Variants in HERC1 observed in about 807,000 individuals in gnomAD.
HERC1 encodes the protein HECT and RLD domain containing E3 ubiquitin protein ligase family member 1, also known as probable E3 ubiquitin-protein ligase HERC1.
A neutral mutation model predicts 554.3 loss-of-function variants in HERC1; 160 were observed. That is an observed-to-expected ratio of 0.29 (90% CI 0.25 to 0.33). The LOEUF is 0.33. Among genes scored for constraint, HERC1 ranks in the 10% least tolerant of loss-of-function variants. The pLI is 1.00. For missense variants in HERC1, 4,919 were observed against 5,918.5 expected (o/e 0.83, Z 5.54); for synonymous variants, 2,175 against 2,131.7 (o/e 1.02, Z -0.56).
upstream of HERC1, chr15:63,833,948 CG>C (rs984132279): frequency 6.5e-6 from 1 of 153,140 alleles, no homozygotes; most frequent in Admixed American, 6.5e-5. Context: ...AAGGGAAAGA[CG>C]TAAGAGGCGG....
intron 10 of HERC1, among the ~76,000 whole-genome samples, chr15:63,748,949 C>G (rs1218516952): frequency 9.2e-6 from 1 of 108,860 alleles, no homozygotes; most frequent in Non-Finnish European, 1.9e-5. Context: ...TAAAGTATGA[C>G]AATTTTTTTT....
Position 63,723,233 on chromosome 15 carries a change from CT to C in HERC1, c.3690del (p.Glu1231SerfsTer24). 1 of 1,598,164 alleles carries C rather than the reference CT, an allele frequency of 6.3e-7. No homozygotes were observed. The highest frequency in any genetic ancestry group is 8.5e-7 in the Non-Finnish European group (1 of 1,171,556). ...CTGATCCAAAGGCTTCGGGCAGGCT[CT>C]TTAGAACAACCCAATGCCAAGTCTA... ...VYVDLALGCS[K>X]EPARSLWISM... On this transcript the variant is annotated frameshift_variant, in exon 19 of 78. Transcript: ENST00000443617. LOFTEE classifies it high-confidence loss of function.
At chr15:63,687,872 G>C (rs1190097820) in intron 33 of HERC1, among the ~76,000 whole-genome samples, 1 of 152,180 alleles carries the variant, frequency 6.6e-6, no homozygotes, top group African/African-American at 2.4e-5. Flanking sequence ...GTAATAGCCA[G>C]TTTAAAGCCC....
intron 63 of HERC1, 120 bp from the exon 64 acceptor site, chr15:63,637,763 G>T: frequency 1.4e-6 from 1 of 707,032 alleles, no homozygotes; most frequent in Non-Finnish European, 2.2e-6. Flanking sequence ...TCCTTTTACT[G>T]AAAGGGAAGA....
At chr15:63,662,530 C>A (rs2070410921) in intron 44 of HERC1, among the ~76,000 whole-genome samples, 1 of 152,074 alleles carries the variant, frequency 6.6e-6, no homozygotes, top group Non-Finnish European at 1.5e-5. Context: ...GTACCTTGCC[C>A]CTAAATGGAG....
At chr15:63,724,068 C>T (rs934470294) in intron 18 of HERC1, among the ~76,000 whole-genome samples, 9 of 151,646 alleles carry the variant, frequency 5.9e-5, no homozygotes, top group Admixed American at 5.9e-4. Flanking sequence ...TACAAGTAAA[C>T]AAAATAAAAT....
chr15:63,816,273 A>C (rs2077490757), intron 1 of HERC1, among the ~76,000 whole-genome samples: 2 of 152,248 alleles, frequency 1.3e-5, no homozygotes. Context: ...GAGAGAATAA[A>C]GTACACATTG....
chr15:63,656,178 G>A lies in HERC1; in HGVS notation c.9780C>T (p.Ile3260=). The A allele has an allele frequency of 6.2e-7, 1 of 1,612,720 alleles. No individual in the cohort carries two copies. Among genetic ancestry groups the A allele is most frequent in the South Asian group, 1.1e-5 (1 of 90,824 alleles). ...CTGTGCTCAAATAGGCCAGGCAAGA[G>A]ATAGGCTTGTTAGCCTTGCTATGCC... The part of the protein sequence containing the change: ...RGGHSKANKP[I]SCLAYLSTAV... The change falls in exon 49 of 78, where the codon ATC becomes ATT. Residue 3260 remains isoleucine (I), a synonymous_variant. Coordinates refer to ENST00000443617, the MANE Select transcript of HERC1 (RefSeq NM_003922.4).
Position 63,630,613 on chromosome 15 carries a change from C to G in HERC1, c.12819G>C (p.Glu4273Asp). 1.2e-6 allele frequency: 2 copies of G among 1,612,872 alleles called. No individual in the cohort carries two copies. The change falls in exon 69 of 78, where the codon GAG becomes GAC. Residue 4273 changes from glutamate to aspartate, a missense_variant. Coordinates refer to ENST00000443617, the MANE Select transcript of HERC1 (RefSeq NM_003922.4). ...GTCGATTGTGATTGCGAGCACGCCC[C>G]TCTGGCAAGCCTATCAGGCGATCTG... The part of the protein sequence containing the change: ...FGQDRLIGLP[E>D]GRARNHNRPQ...
chr15:63,829,539 A>ATG lies in HERC1; in HGVS notation c.-27+4286_-27+4287dup, dbSNP rs59909117. Among the ~76,000 whole-genome samples, 4 of 64,654 alleles carry ATG rather than the reference A, an allele frequency of 6.2e-5. No homozygotes were observed. In the East Asian group the frequency reaches 3.2e-3, roughly 52 times the overall value. The allele number at this position is 64,654 out of a possible 152,430, so 42.4% of individuals were successfully genotyped here. On this transcript the variant is annotated intron_variant, in intron 1 of 77. Transcript: ENST00000443617. ...ATATAAATAATATGTGTGCACATAT[A>ATG]TGTATGTGTGTGTGTGTGTGTGTAT...
At chr15:63,663,537 C>T (rs1043697852) in intron 43 of HERC1, among the ~76,000 whole-genome samples, 5 of 152,226 alleles carry the variant, frequency 3.3e-5, no homozygotes, top group Non-Finnish European at 7.3e-5. Flanking sequence ...CTCACTGTAA[C>T]CCTGAACCCC....
chr15:63,659,595 T>C, intron 47 of HERC1, 141 bp downstream of exon 47: 1 of 670,228 alleles, frequency 1.5e-6, no homozygotes, highest in Admixed American at 2.9e-5. Flanking sequence ...TTAAAACAAC[T>C]GGCTAAAGAG....
At chr15:63,648,538 T>A (rs1301323695) in intron 54 of HERC1, among the ~76,000 whole-genome samples, 1 of 152,230 alleles carries the variant, frequency 6.6e-6, no homozygotes, top group African/African-American at 2.4e-5. Context: ...ACCATGAAAC[T>A]GAGAAGTGAA....
Position 63,612,363 on chromosome 15 carries a change from T to C in HERC1, c.14288A>G (p.Glu4763Gly), listed in dbSNP as rs757655603. ...LVQWFWHTLE[E>G]FSNEERVLFM... ...AAGCACCCGCTCCTCATTGGAGAAC[T>C]CTTCCAGCGTGTGCCAGAACCACTG... Residue 4763 changes from glutamate to glycine, a missense_variant, in exon 77 of 78, where the codon GAG (glutamate) becomes GGG (glycine). By Grantham distance (98) the Glu-to-Gly change is moderately conservative (BLOSUM62 -2). This residue lies in a region of HERC1 where 284 missense variants were observed against 294.1 expected (regional missense o/e 0.97). Coordinates refer to ENST00000443617, the MANE Select transcript of HERC1 (RefSeq NM_003922.4). The surrounding 1 kb of genome is among the most constrained non-coding windows in gnomAD (Gnocchi z 5.0). 5.0e-6 allele frequency: 8 copies of C among 1,614,016 alleles called. No homozygotes were observed. The highest frequency in any genetic ancestry group is 4.2e-6 in the Non-Finnish European group (5 of 1,179,888).
Position 63,729,385 on chromosome 15 carries a change from T to A in HERC1, c.3022-17A>T, listed in dbSNP as rs1408803728. 1 of 1,590,712 alleles carries A rather than the reference T, an allele frequency of 6.3e-7. No homozygotes were observed. The highest frequency in any genetic ancestry group is 8.5e-7 in the Non-Finnish European group (1 of 1,171,958). ...GCTTGAGTTCTAAGAAGAAAAAAAGTTCCTAAATTACTACTTTGAAAGATT... is the reference window on the plus strand; with the variant it reads ...GCTTGAGTTCTAAGAAGAAAAAAAGATCCTAAATTACTACTTTGAAAGATT... On this transcript the variant is annotated splice_polypyrimidine_tract_variant and intron_variant, in intron 15 of 77. Coordinates refer to ENST00000443617, the MANE Select transcript of HERC1 (RefSeq NM_003922.4).
intron 13 of HERC1, 85 bp from the exon 14 acceptor site, chr15:63,733,230 T>G (rs976090560): frequency 2.4e-6 from 2 of 829,196 alleles, no homozygotes; most frequent in Admixed American, 1.9e-5. Flanking sequence ...AAAACTATAC[T>G]AATCCACTTA....
intron 27 of HERC1, 144 bp downstream of exon 27, chr15:63,695,980 G>C (rs2072389308): frequency 1.6e-6 from 1 of 625,280 alleles, no homozygotes. Flanking sequence ...CATTATTTAG[G>C]AAATGGAACC....
At chr15:63,784,110 T>C (rs2076368283) in intron 1 of HERC1, among the ~76,000 whole-genome samples, 1 of 150,436 alleles carries the variant, frequency 6.6e-6, no homozygotes, top group Admixed American at 6.6e-5. Flanking sequence ...CTCATAAAAA[T>C]GAGCAAATTT....
chr15:63,726,039 T>A (rs1212424601), intron 17 of HERC1, among the ~76,000 whole-genome samples: 2 of 152,168 alleles, frequency 1.3e-5, no homozygotes, highest in African/African-American at 4.8e-5. Flanking sequence ...TGGAGTGCAG[T>A]GGCATGATCT....
Sources: allele counts gnomAD v4.1 joint callset (sites outside exome capture counted in the v4.1 genomes callset), GRCh38; gene constraint gnomAD v4.1.1; regional missense constraint gnomAD v4.1.1; non-coding constraint Gnocchi (gnomAD v3.1); transcripts MANE v1.5; gene names NCBI Gene and HGNC (gene_info 2026-07-23, HGNC 2026-07-21).